Variants in FUT9 observed in about 807,000 individuals in gnomAD.
FUT9 encodes fucosyltransferase 9.
FUT9 carries 15 observed loss-of-function variants against 29.7 expected under a neutral mutation model. The observed-to-expected ratio is 0.51, with a 90% CI of 0.34 to 0.78. The LOEUF is 0.78. Among genes scored for constraint, FUT9 ranks in the 30% least tolerant of loss-of-function variants. The pLI is 0.01. For missense variants in FUT9, 319 were observed against 425.4 expected, an observed-to-expected ratio of 0.75 and a Z score of 2.20; for synonymous variants, 169 against 153.7, an observed-to-expected ratio of 1.10 and a Z score of -0.74.
intron 1 of FUT9, among the ~76,000 whole-genome samples, chr6:96,087,814 G>A (rs893127067): frequency 2.0e-5 from 3 of 152,068 alleles, no homozygotes; most frequent in Admixed American, 6.5e-5. Flanking sequence ...TTAACCACAT[G>A]TTTACCATTT....
chr6:96,120,014 C>T (rs993547988), intron 2 of FUT9, among the ~76,000 whole-genome samples: 21 of 151,892 alleles, frequency 1.4e-4, no homozygotes, highest in Admixed American at 8.5e-4. Flanking sequence ...TCAGTGTGAT[C>T]CATTATATAT....
intron 2 of FUT9, among the ~76,000 whole-genome samples, chr6:96,154,996 G>A (rs1289202192): frequency 6.6e-6 from 1 of 152,142 alleles, no homozygotes; most frequent in African/African-American, 2.4e-5. Context: ...AGTCCCTGCA[G>A]TTACCCAAAC....
intron 1 of FUT9, among the ~76,000 whole-genome samples, chr6:96,083,052 G>A (rs1272008581): frequency 6.6e-6 from 1 of 151,924 alleles, no homozygotes; most frequent in African/African-American, 2.4e-5. Flanking sequence ...TCTCCCTATA[G>A]TCCATTCTCC....
Position 96,127,756 on chromosome 6 carries a change from T to A in FUT9, c.-9+13629T>A, listed in dbSNP as rs531098165. ...GGTATGAGATGGTATCTCATGGTGG[T>A]TTTAATTTGCATTTCTCTAATGTGA... On this transcript the variant is annotated intron_variant, in intron 2 of 2. Coordinates refer to ENST00000302103, the MANE Select transcript of FUT9 (RefSeq NM_006581.4). Among the ~76,000 whole-genome samples, 5 of 152,296 alleles carry A rather than the reference T, an allele frequency of 3.3e-5. No individual in the cohort carries two copies. In the South Asian group the frequency reaches 1.0e-3, roughly 32 times the overall value.
At chr6:96,178,575 G>A (rs1014437322) in intron 2 of FUT9, among the ~76,000 whole-genome samples, 3 of 152,096 alleles carry the variant, frequency 2.0e-5, no homozygotes, top group East Asian at 1.9e-4. Context: ...GAGTCTCTTC[G>A]TCTTTAGTCA....
At chr6:96,187,636 A>C (rs2127987722) in intron 2 of FUT9, among the ~76,000 whole-genome samples, 1 of 152,290 alleles carries the variant, frequency 6.6e-6, no homozygotes, top group Admixed American at 6.6e-5. Context: ...ATCTGACCTT[A>C]TATAGTAGCT....
chr6:96,067,396 A>G (rs946150831), intron 1 of FUT9, among the ~76,000 whole-genome samples: 11 of 116,508 alleles, frequency 9.4e-5, no homozygotes, highest in African/African-American at 3.3e-4. Flanking sequence ...TTTATCCTGT[A>G]TGAAACAGAA....
At chr6:96,109,003 TTAAAAAAAGCTTAAAGACCAGTCA>T (rs1440706843) in intron 1 of FUT9, among the ~76,000 whole-genome samples, 1 of 152,162 alleles carries the variant, frequency 6.6e-6, no homozygotes, top group Non-Finnish European at 1.5e-5. Flanking sequence ...GTATGTTGAA[TTAAAAAAAGCTTAAAGACCAGTCA>T]TAAAATTTTG....
At chr6:96,020,013 A>T (rs1338309785) in intron 1 of FUT9, among the ~76,000 whole-genome samples, 1 of 152,146 alleles carries the variant, frequency 6.6e-6, no homozygotes. Context: ...AATAAAATGA[A>T]ATAAAAGGTC....
intron 1 of FUT9, among the ~76,000 whole-genome samples, chr6:96,092,671 A>T (rs1771430453): frequency 6.6e-6 from 1 of 152,108 alleles, no homozygotes; most frequent in African/African-American, 2.4e-5. Context: ...TTTTAGCTCT[A>T]TTCTTCCTCT....
chr6:96,180,544 T>C (rs1189972813), intron 2 of FUT9, among the ~76,000 whole-genome samples: 1 of 152,114 alleles, frequency 6.6e-6, no homozygotes, highest in Non-Finnish European at 1.5e-5. Flanking sequence ...ATAATGTACA[T>C]ATTTATGGAG....
intron 2 of FUT9, among the ~76,000 whole-genome samples, chr6:96,158,296 A>AT (rs1772828130): frequency 6.6e-6 from 1 of 152,024 alleles, no homozygotes; most frequent in African/African-American, 2.4e-5. Context: ...GTGGACAAGG[A>AT]TTTTCCCCAC....
At chr6:96,155,740 A>G (rs1277132111) in intron 2 of FUT9, among the ~76,000 whole-genome samples, 57 of 152,126 alleles carry the variant, frequency 3.7e-4, no homozygotes, top group Non-Finnish European at 5.9e-5. Flanking sequence ...CAGAGGTGAG[A>G]GCACACAAAG....
At chr6:96,186,197 C>T (rs1773403540) in intron 2 of FUT9, among the ~76,000 whole-genome samples, 1 of 152,028 alleles carries the variant, frequency 6.6e-6, no homozygotes, top group African/African-American at 2.4e-5. Flanking sequence ...CTGTTGACAT[C>T]TTTGTGGCTT....
intron 1 of FUT9, among the ~76,000 whole-genome samples, chr6:96,063,964 T>C (rs967090679): frequency 1.3e-5 from 2 of 152,168 alleles, no homozygotes; most frequent in African/African-American, 2.4e-5. Flanking sequence ...AATGAGACAA[T>C]GATTTGAATG....
intron 2 of FUT9, among the ~76,000 whole-genome samples, chr6:96,155,922 T>C (rs1459311885): frequency 1.3e-5 from 2 of 152,176 alleles, no homozygotes; most frequent in Non-Finnish European, 2.9e-5. Context: ...TGTTATGGCA[T>C]CCCTAGCAAA....
intron 2 of FUT9, among the ~76,000 whole-genome samples, chr6:96,189,182 G>T (rs1773460106): frequency 6.6e-6 from 1 of 151,966 alleles, no homozygotes; most frequent in Non-Finnish European, 1.5e-5. Flanking sequence ...AAAGTGAAAA[G>T]GAATATATCA....
At position 96,051,010 on chromosome 6, in the gene FUT9, C is replaced by G. The variant is rs72924175; in HGVS notation, c.-98+34798C>G. 5.5e-3 allele frequency among the ~76,000 whole-genome samples: 814 copies of G among 148,398 alleles called. 4 individuals carry two copies. The highest frequency in any genetic ancestry group is 8.2e-3 in the African/African-American group (330 of 40,386). ...TGGCGTGGATCATGTCTCTCTCTCT[C>G]TCTGTGTGTGTGTGTGTGTGTATTG... On this transcript the variant is annotated intron_variant, in intron 1 of 2. Transcript: ENST00000302103.
intron 2 of FUT9, among the ~76,000 whole-genome samples, chr6:96,165,130 A>C (rs1192816607): frequency 6.6e-6 from 1 of 152,310 alleles, no homozygotes; most frequent in East Asian, 1.9e-4. Context: ...ACAATAGAGG[A>C]TAACTAGAGT....
Sources: gnomAD v4.1 joint callset for allele counts (sites outside exome capture counted in the v4.1 genomes callset) on GRCh38, gnomAD v4.1.1 for gene constraint, MANE v1.5 for transcripts, NCBI Gene and HGNC (gene_info 2026-07-23, HGNC 2026-07-21) for gene names.